Variants in WWOX observed in about 807,000 individuals in gnomAD.
WWOX encodes the protein WW domain-containing oxidoreductase.
WWOX carries 69 observed loss-of-function variants against 46.2 expected under a neutral mutation model. The ratio of observed to expected loss-of-function variants is 1.49; its 90% CI spans 1.23 to 1.82. The LOEUF is 1.82. WWOX is among the 40% of genes most tolerant of loss of function. The pLI is 0.00. For synonymous variants in WWOX, 359 were observed against 202.6 expected, an observed-to-expected ratio of 1.77 and a Z score of -6.56; for missense variants, 919 against 542.6, an observed-to-expected ratio of 1.69 and a Z score of -6.89.
At chr16:78,729,737 A>C (rs1189855567) in intron 8 of WWOX, among the ~76,000 whole-genome samples, 1 of 152,198 alleles carries the variant, frequency 6.6e-6, no homozygotes, top group Non-Finnish European at 1.5e-5. Flanking sequence ...CAGCAGACAT[A>C]GCAAACTAAT....
chr16:78,392,086 G>A (rs2082187215), intron 6 of WWOX, among the ~76,000 whole-genome samples: 1 of 151,736 alleles, frequency 6.6e-6, no homozygotes. Flanking sequence ...TGACCTCTAG[G>A]CCACAAACCA....
At chr16:79,041,817 C>G (rs1357741856) in intron 8 of WWOX, among the ~76,000 whole-genome samples, 2 of 152,130 alleles carry the variant, frequency 1.3e-5, no homozygotes, top group East Asian at 3.9e-4. Flanking sequence ...TGGCAAAATT[C>G]AGACAAACCT....
chr16:78,634,848 G>A (rs2046529145), intron 8 of WWOX, among the ~76,000 whole-genome samples: 1 of 146,388 alleles, frequency 6.8e-6, no homozygotes. Context: ...GTGTGTGTGT[G>A]TGTGTGTGTG....
intron 8 of WWOX, among the ~76,000 whole-genome samples, chr16:78,886,641 T>G (rs916511311): frequency 1.2e-5 from 1 of 86,794 alleles, no homozygotes; most frequent in Admixed American, 1.2e-4. Flanking sequence ...AAGAAAAACA[T>G]ATATATATAT....
chr16:78,200,521 A>G lies in WWOX; in HGVS notation c.516+36232A>G, dbSNP rs573632397. Among the ~76,000 whole-genome samples the G allele has an allele frequency of 4.0e-5, 6 of 150,640 alleles. No homozygotes were observed. The South Asian group carries it at 1.3e-3, about 33-fold the overall frequency. ...TGTCCAGGTGCTTAGTAGAGCATCC[A>G]TTACACCATAAAGTATCACAAAAAT... On this transcript the variant is annotated intron_variant, in intron 5 of 8. Coordinates refer to ENST00000566780, the MANE Select transcript of WWOX (RefSeq NM_016373.4).
intron 8 of WWOX, among the ~76,000 whole-genome samples, chr16:78,967,843 C>T (rs186227625): frequency 1.3e-3 from 200 of 152,108 alleles, no homozygotes; most frequent in Middle Eastern, 0.01. Flanking sequence ...GGAGTGATGC[C>T]ACATAAATCA....
chr16:78,547,497 A>T (rs1022615374), intron 8 of WWOX, among the ~76,000 whole-genome samples: 2 of 152,200 alleles, frequency 1.3e-5, no homozygotes, highest in Non-Finnish European at 2.9e-5. Context: ...TGTATTAGTT[A>T]CAAGTGATTC....
At chr16:78,412,568 T>C (rs569739584) in intron 6 of WWOX, among the ~76,000 whole-genome samples, 32 of 152,034 alleles carry the variant, frequency 2.1e-4, no homozygotes, top group African/African-American at 7.2e-4. Flanking sequence ...AGACAAAAAA[T>C]GGAGTGGTAG....
At chr16:78,479,732 C>T (rs779255007) in intron 8 of WWOX, among the ~76,000 whole-genome samples, 2 of 152,170 alleles carry the variant, frequency 1.3e-5, no homozygotes, top group Non-Finnish European at 2.9e-5. Context: ...AATATAGTGA[C>T]AGCCTCTGGC....
intron 4 of WWOX, among the ~76,000 whole-genome samples, chr16:78,147,623 T>C (rs1454126599): frequency 6.6e-6 from 1 of 151,670 alleles, no homozygotes; most frequent in Non-Finnish European, 1.5e-5. Context: ...CACTTTTCGC[T>C]TTTTTAATGG....
chr16:78,784,283 G>T (rs1199051985), intron 8 of WWOX, among the ~76,000 whole-genome samples: 2 of 152,002 alleles, frequency 1.3e-5, no homozygotes, highest in Non-Finnish European at 2.9e-5. Flanking sequence ...AAGTTCACAG[G>T]CAGAAAAGAG....
At chr16:78,665,052 C>T (rs1406380563) in intron 8 of WWOX, among the ~76,000 whole-genome samples, 2 of 152,194 alleles carry the variant, frequency 1.3e-5, no homozygotes, top group African/African-American at 4.8e-5. Context: ...CATTACACTA[C>T]AAAGGGCTGC....
At chr16:79,196,931 C>A (rs2051252359) in intron 8 of WWOX, among the ~76,000 whole-genome samples, 1 of 152,132 alleles carries the variant, frequency 6.6e-6, no homozygotes, top group Admixed American at 6.5e-5. Context: ...CTTTCAATTC[C>A]TTGAACTTCA....
intron 8 of WWOX, among the ~76,000 whole-genome samples, chr16:79,022,134 C>T (rs543320475): frequency 6.6e-6 from 1 of 152,230 alleles, no homozygotes; most frequent in South Asian, 2.1e-4. Flanking sequence ...CTGAAACAGG[C>T]CAGAAAGCAC....
intron 5 of WWOX, among the ~76,000 whole-genome samples, chr16:78,204,705 C>T (rs1001661235): frequency 2.0e-5 from 3 of 152,104 alleles, no homozygotes; most frequent in Admixed American, 6.5e-5. Context: ...ACTGCACAAT[C>T]GGAGAGGCAG....
chr16:78,692,040 A>C (rs762829432), intron 8 of WWOX, among the ~76,000 whole-genome samples: 14 of 152,264 alleles, frequency 9.2e-5, no homozygotes, highest in East Asian at 3.9e-4. Context: ...CCTTTTGCCT[A>C]CCACCATGTT....
intron 8 of WWOX, among the ~76,000 whole-genome samples, chr16:79,037,872 C>A (rs1053124924): frequency 2.0e-5 from 3 of 152,138 alleles, no homozygotes; most frequent in African/African-American, 7.2e-5. Flanking sequence ...GGGTGGCCGA[C>A]TGTGCCAGTA....
chr16:78,452,471 C>G (rs1001785753), intron 8 of WWOX, among the ~76,000 whole-genome samples: 1 of 140,864 alleles, frequency 7.1e-6, no homozygotes, highest in Non-Finnish European at 1.5e-5. Flanking sequence ...TTTTCTCTCT[C>G]TCTCTTTTTT....
chr16:78,726,722 T>A (rs1264585888), intron 8 of WWOX, among the ~76,000 whole-genome samples: 1 of 80,024 alleles, frequency 1.2e-5, no homozygotes, highest in Non-Finnish European at 2.2e-5. Flanking sequence ...TTTTGTTTTG[T>A]TCCTTTTTTT....
Sources: gnomAD v4.1 joint callset for allele counts (sites outside exome capture counted in the v4.1 genomes callset) on GRCh38, gnomAD v4.1.1 for gene constraint, MANE v1.5 for transcripts, NCBI Gene and HGNC (gene_info 2026-07-23, HGNC 2026-07-21) for gene names.